The following TNNI3K variants were observed in gnomAD, a reference collection of about 807,000 sequenced individuals.
TNNI3K encodes the protein serine/threonine-protein kinase TNNI3K.
Under a neutral mutation model 114.5 loss-of-function variants are expected in TNNI3K, and 140 were observed. That is an observed-to-expected ratio of 1.22 (90% CI 1.07 to 1.41). TNNI3K has a LOEUF of 1.41. TNNI3K is among the 40% of genes most tolerant of loss of function. TNNI3K has a pLI of 0.00. For missense variants in TNNI3K, 1,125 were observed against 1,007.6 expected, an observed-to-expected ratio of 1.12 and a Z score of -1.58; for synonymous variants, 347 against 347.5, an observed-to-expected ratio of 1.00 and a Z score of 0.02.
intron 23 of TNNI3K, among the ~76,000 whole-genome samples, chr1:74,528,240 A>T (rs138268106): frequency 6.6e-6 from 1 of 152,258 alleles, no homozygotes; most frequent in African/African-American, 2.4e-5. Context: ...AGGGTGGTGA[A>T]GAAGGTGTAC....
At chr1:74,403,362 A>T (rs1664463897) in intron 17 of TNNI3K, among the ~76,000 whole-genome samples, 1 of 152,178 alleles carries the variant, frequency 6.6e-6, no homozygotes, top group African/African-American at 2.4e-5. Context: ...ACTTATAAAC[A>T]TCAAGCTTGA....
chr1:74,310,639 A>G (rs1399826366), intron 5 of TNNI3K, among the ~76,000 whole-genome samples: 2 of 152,176 alleles, frequency 1.3e-5, no homozygotes, highest in Non-Finnish European at 2.9e-5. Flanking sequence ...AACAGAACAC[A>G]ATAGAAAACC....
chr1:74,342,794 A>G, intron 7 of TNNI3K, 48 bp from the exon 8 acceptor site: 1 of 1,607,910 alleles, frequency 6.2e-7, no homozygotes, highest in Non-Finnish European at 8.5e-7. Flanking sequence ...AAGGTTGAGA[A>G]ACAAACAATT....
At position 74,246,522 on chromosome 1, in the gene TNNI3K, C is replaced by T. The variant is rs539618091; in HGVS notation, c.150-2937C>T. On this transcript the variant is annotated intron_variant, in intron 2 of 24. Transcript: ENST00000326637. ...ATGATTCAGCTCTGAGCTGCTTCGG[C>T]TTTTCTTCCCTGGTCTTTCTATTGT... 2.0e-5 allele frequency among the ~76,000 whole-genome samples: 3 copies of T among 152,258 alleles called. No homozygotes were observed. The South Asian group carries it at 6.2e-4, about 32-fold the overall frequency.
intron 21 of TNNI3K, chr1:74,471,832 G>C: frequency 2.2e-6 from 1 of 446,634 alleles, no homozygotes; most frequent in Non-Finnish European, 3.9e-6. Flanking sequence ...CTCAGGCTTT[G>C]AGTGTTGTCT....
intron 21 of TNNI3K, among the ~76,000 whole-genome samples, chr1:74,487,035 C>T (rs983251740): frequency 1.3e-5 from 2 of 152,068 alleles, no homozygotes; most frequent in East Asian, 3.9e-4. Context: ...AATTAGAGAC[C>T]GCAAATTTGG....
chr1:74,239,463 C>G (rs1347957694), intron 2 of TNNI3K, among the ~76,000 whole-genome samples: 1 of 152,056 alleles, frequency 6.6e-6, no homozygotes, highest in Non-Finnish European at 1.5e-5. Flanking sequence ...ATTACTCACC[C>G]TTATTCATTT....
chr1:74,324,307 G>A (rs1372844109), intron 5 of TNNI3K, among the ~76,000 whole-genome samples: 1 of 152,166 alleles, frequency 6.6e-6, no homozygotes, highest in African/African-American at 2.4e-5. Flanking sequence ...TAGAAAACAG[G>A]CTCAATATGT....
At chr1:74,382,016 C>T (rs1274531192) in intron 17 of TNNI3K, among the ~76,000 whole-genome samples, 2 of 152,196 alleles carry the variant, frequency 1.3e-5, no homozygotes, top group Non-Finnish European at 1.5e-5. Flanking sequence ...CTTTTCTTCT[C>T]CATACTCAAG....
chr1:74,322,610 A>T (rs1004129923), intron 5 of TNNI3K, among the ~76,000 whole-genome samples: 1 of 151,850 alleles, frequency 6.6e-6, no homozygotes, highest in African/African-American at 2.4e-5. Context: ...ACAGGTGCAC[A>T]TCGCCACGCC....
chr1:74,309,399 C>T (rs908445605), intron 5 of TNNI3K, among the ~76,000 whole-genome samples: 1 of 129,696 alleles, frequency 7.7e-6, no homozygotes, highest in Admixed American at 7.9e-5. Flanking sequence ...TAATATCAAT[C>T]TTACTGAAAC....
intron 5 of TNNI3K, 137 bp downstream of exon 5, chr1:74,271,845 ATT>A (rs2100895034): frequency 1.6e-6 from 1 of 608,906 alleles, no homozygotes; most frequent in East Asian, 3.0e-5. Context: ...TTGGGGTAAA[ATT>A]TAGCTGTATA....
chr1:74,242,140 C>T (rs183257454), intron 2 of TNNI3K, among the ~76,000 whole-genome samples: 47 of 152,194 alleles, frequency 3.1e-4, no homozygotes, highest in East Asian at 2.9e-3. Flanking sequence ...TGAGCCACCG[C>T]GCCTGACCCA....
chr1:74,334,075 A>G (rs1221289151), intron 6 of TNNI3K, among the ~76,000 whole-genome samples: 2 of 152,238 alleles, frequency 1.3e-5, no homozygotes, highest in Non-Finnish European at 2.9e-5. Context: ...AGTGCTTTTC[A>G]TGCGATGACT....
At position 74,249,680 on chromosome 1, in the gene TNNI3K, T is replaced by A. The variant is rs45529334; in HGVS notation, c.235+136T>A. The A allele has an allele frequency of 1.9e-4, 140 of 720,964 alleles. No individual in the cohort carries two copies. The African/African-American group carries it at 2.4e-3, about 12-fold the overall frequency. The allele number at this position is 720,964 out of a possible 1,614,324, so 44.7% of individuals were successfully genotyped here. On this transcript the variant is annotated intron_variant, in intron 3 of 24. Transcript: ENST00000326637. ...TCTGCTTTGCCTTTTCCAACCTTGA[T>A]AATCTCAGTTTAGGCAGTAACTATC...
At chr1:74,300,331 A>G (rs1473903296) in intron 5 of TNNI3K, among the ~76,000 whole-genome samples, 1 of 152,218 alleles carries the variant, frequency 6.6e-6, no homozygotes, top group Non-Finnish European at 1.5e-5. Flanking sequence ...TTTACAGTCT[A>G]TTTAAGTCAT....
chr1:74,443,828 AT>A (rs1666496718), intron 20 of TNNI3K, among the ~76,000 whole-genome samples: 1 of 152,236 alleles, frequency 6.6e-6, no homozygotes, highest in African/African-American at 2.4e-5. Flanking sequence ...AGTGGGCTTC[AT>A]CCCCACGATG....
chr1:74,475,897 T>G (rs374764898), intron 21 of TNNI3K: 9 of 515,280 alleles, frequency 1.7e-5, no homozygotes, highest in African/African-American at 1.6e-4. Context: ...AATATAAAGG[T>G]TAATGGCTTG....
Position 74,271,635 on chromosome 1 carries a change from G to C in TNNI3K, c.371G>C (p.Gly124Ala). 6.2e-7 allele frequency: 1 copy of C among 1,608,694 alleles called. No homozygotes were observed. Among genetic ancestry groups the C allele is most frequent in the Non-Finnish European group, 8.5e-7 (1 of 1,176,882 alleles). Residue 124 changes from glycine to alanine, a missense_variant, in exon 5 of 25, where the codon GGA becomes GCA. Gly to Ala is a moderately conservative substitution (Grantham distance 60). Coordinates refer to ENST00000326637, the MANE Select transcript of TNNI3K (RefSeq NM_015978.3). ...TTGATCACTTCTCTGCTTCACAGTGGAGCTGATATACAGCAGGTTGGATAC... is the reference window on the plus strand; with the variant it reads ...TTGATCACTTCTCTGCTTCACAGTGCAGCTGATATACAGCAGGTTGGATAC... ...AELITSLLHS[G>A]ADIQQVGYGG...
Sources: allele counts gnomAD v4.1 joint callset (sites outside exome capture counted in the v4.1 genomes callset), GRCh38; gene constraint gnomAD v4.1.1; transcripts MANE v1.5; gene names NCBI Gene and HGNC (gene_info 2026-07-23, HGNC 2026-07-21).